ANKS1A: variants seen among roughly 807,000 people sequenced by gnomAD.
ANKS1A encodes ankyrin repeat and sterile alpha motif domain containing 1A, also known as ankyrin repeat and SAM domain-containing protein 1A.
A neutral mutation model predicts 120.3 loss-of-function variants in ANKS1A; 55 were observed. The observed-to-expected ratio is 0.46, with a 90% CI of 0.37 to 0.57. The LOEUF (loss-of-function observed/expected upper bound fraction) is 0.57. Among genes scored for constraint, ANKS1A ranks in the 20% least tolerant of loss-of-function variants. The probability of loss-of-function intolerance (pLI) is 0.00; values close to 1 mark genes in which losing one functional copy is unlikely to be tolerated. For missense variants in ANKS1A, 1,123 were observed against 1,480.3 expected (o/e 0.76, Z 3.96); for synonymous variants, 590 against 604.7 (o/e 0.98, Z 0.36).
At chr6:34,944,123 ACAAAGTTAG>A (rs1769665074) in intron 1 of ANKS1A, among the ~76,000 whole-genome samples, 1 of 152,130 alleles carries the variant, frequency 6.6e-6, no homozygotes, top group African/African-American at 2.4e-5. Flanking sequence ...AAATACAAAA[ACAAAGTTAG>A]CCGGGCATGG....
intron 1 of ANKS1A, among the ~76,000 whole-genome samples, chr6:34,965,327 T>C (rs1380826198): frequency 6.6e-6 from 1 of 152,210 alleles, no homozygotes; most frequent in African/African-American, 2.4e-5. Context: ...ATTTGTCTGT[T>C]GATGCCTATT....
intron 1 of ANKS1A, among the ~76,000 whole-genome samples, chr6:34,950,222 CTTTTTTTTTTTTT>C (rs747865614): frequency 4.1e-5 from 4 of 97,542 alleles, no homozygotes; most frequent in Admixed American, 1.2e-4. Flanking sequence ...TCTTTTCTCT[CTTTTTTTTTTTTT>C]TTTTTTTTTG....
intron 11 of ANKS1A, among the ~76,000 whole-genome samples, chr6:35,040,212 A>G (rs1193604606): frequency 4.6e-5 from 7 of 152,230 alleles, no homozygotes; most frequent in African/African-American, 1.7e-4. Context: ...AGAGGCAACA[A>G]GAAAGGTTTA....
chr6:34,922,898 G>A (rs1351675750), intron 1 of ANKS1A, among the ~76,000 whole-genome samples: 1 of 151,950 alleles, frequency 6.6e-6, no homozygotes, highest in Non-Finnish European at 1.5e-5. Flanking sequence ...TTCACCTGTT[G>A]GCCAGGATGG....
chr6:35,081,191 T>C, intron 17 of ANKS1A, 33 bp downstream of exon 17: 1 of 1,576,752 alleles, frequency 6.3e-7, no homozygotes, highest in Non-Finnish European at 8.6e-7. Context: ...GCAGCCAGGC[T>C]CTACCTCATT....
chr6:34,980,508 C>T (rs933646549), intron 3 of ANKS1A, among the ~76,000 whole-genome samples: 7 of 152,186 alleles, frequency 4.6e-5, no homozygotes, highest in African/African-American at 1.7e-4. Context: ...AATTCCTAAT[C>T]CATTACTTTT....
chr6:34,946,105 T>C lies in ANKS1A; in HGVS notation c.198-21134T>C, dbSNP rs1034040568. Among the ~76,000 whole-genome samples, 5 of 151,570 alleles carry C rather than the reference T, an allele frequency of 3.3e-5. No individual in the cohort carries two copies. The East Asian group carries it at 9.9e-4, about 30-fold the overall frequency. On this transcript the variant is annotated intron_variant, in intron 1 of 23. Coordinates refer to ENST00000360359, the MANE Select transcript of ANKS1A (RefSeq NM_015245.3). ...AAGCAGTTCTCCTGCCTCAGCCTCC[T>C]GAGTAGCTGGGACTACAGGCGTGTG...
intron 11 of ANKS1A, among the ~76,000 whole-genome samples, chr6:35,027,245 C>T (rs1328499124): frequency 6.6e-6 from 1 of 152,204 alleles, no homozygotes; most frequent in Non-Finnish European, 1.5e-5. Flanking sequence ...GCCACCACCA[C>T]TTGGAACACA....
chr6:34,932,883 ACT>A (rs1465444720), intron 1 of ANKS1A, among the ~76,000 whole-genome samples: 1 of 151,948 alleles, frequency 6.6e-6, no homozygotes, highest in Non-Finnish European at 1.5e-5. Context: ...TTATATGTTA[ACT>A]CTGTTTAACT....
downstream of ANKS1A, among the ~76,000 whole-genome samples, chr6:35,095,253 A>G (rs1329572301): frequency 6.6e-6 from 1 of 152,146 alleles, no homozygotes; most frequent in Non-Finnish European, 1.5e-5. Flanking sequence ...CAAACCAGAT[A>G]AACTCTGCGA....
intron 1 of ANKS1A, among the ~76,000 whole-genome samples, chr6:34,929,890 G>C (rs1313696056): frequency 7.4e-6 from 1 of 135,834 alleles, no homozygotes; most frequent in South Asian, 2.4e-4. Flanking sequence ...TGTTTGTTTT[G>C]CTTTGTTGCT....
chr6:35,034,537 G>A (rs1236904827), intron 11 of ANKS1A, among the ~76,000 whole-genome samples: 1 of 152,196 alleles, frequency 6.6e-6, no homozygotes, highest in Non-Finnish European at 1.5e-5. Context: ...CATCTGGGGA[G>A]CACCATGTAC....
rs1482490945 is a variant in ANKS1A at position 34,983,360 on chromosome 6, A to T, written c.947A>T (p.Asp316Val). The change falls in exon 7 of 24, where the codon GAT becomes GTT. Residue 316 changes from aspartate to valine, a missense_variant. This residue lies in a region of ANKS1A where 904 missense variants were observed against 1,130.4 expected (regional missense o/e 0.80). Transcript: ENST00000360359. ...GGAAAAAGAAGTACAAAAGAAGTAG[A>T]TAAAACCCCCCCACCCCAGCCACCT... ...MTGKRSTKEV[D>V]KTPPPQPPLI... 1 of 1,614,076 alleles carries T rather than the reference A, an allele frequency of 6.2e-7. No homozygotes were observed. Among genetic ancestry groups the T allele is most frequent in the South Asian group, 1.1e-5 (1 of 91,076 alleles).
Position 35,049,879 on chromosome 6 carries a change from A to G in ANKS1A, c.2011-4220A>G, listed in dbSNP as rs550680863. ...GCCTCCTGAAAGGGAGCCAAGTTAC[A>G]CCAAAGCTTGAGGTCCGCCTGTGCC... On this transcript the variant is annotated intron_variant, in intron 11 of 23. Coordinates refer to ENST00000360359, the MANE Select transcript of ANKS1A (RefSeq NM_015245.3). Among the ~76,000 whole-genome samples, 6 of 152,330 alleles carry G rather than the reference A, an allele frequency of 3.9e-5. No individual in the cohort carries two copies. In the South Asian group the frequency reaches 1.0e-3, roughly 26 times the overall value.
In ANKS1A at chr6:34,913,931, C is replaced by A. The variant is rs185846226; in HGVS notation, c.197+24332C>A. 4.0e-5 allele frequency among the ~76,000 whole-genome samples: 6 copies of A among 148,734 alleles called. No homozygotes were observed. The East Asian group carries it at 1.2e-3, about 30-fold the overall frequency. ...TGCCCAGCCAATAAAGTAATTTTTT[C>A]TTTTGAGATGGAGTCTCGCTCTGTT... On this transcript the variant is annotated intron_variant, in intron 1 of 23. Transcript: ENST00000360359.
intron 1 of ANKS1A, among the ~76,000 whole-genome samples, chr6:34,960,524 T>G (rs1270513935): frequency 6.6e-6 from 1 of 152,048 alleles, no homozygotes; most frequent in Non-Finnish European, 1.5e-5. Context: ...GAGTGGGCTG[T>G]TTCTATTCAT....
chr6:35,032,208 C>G (rs1426222713), intron 11 of ANKS1A, among the ~76,000 whole-genome samples: 1 of 152,122 alleles, frequency 6.6e-6, no homozygotes, highest in African/African-American at 2.4e-5. Flanking sequence ...AGGTGAGGCC[C>G]CATTAGATGG....
chr6:34,968,591 C>T (rs573329660), intron 2 of ANKS1A, among the ~76,000 whole-genome samples: 74 of 152,196 alleles, frequency 4.9e-4, no homozygotes, highest in African/African-American at 1.8e-3. Context: ...GCGCCCGCCA[C>T]CACACCCAGC....
intron 1 of ANKS1A, among the ~76,000 whole-genome samples, chr6:34,905,600 A>G (rs548717422): frequency 6.6e-6 from 1 of 152,330 alleles, no homozygotes; most frequent in African/African-American, 2.4e-5. Context: ...TTACAGATGA[A>G]GAAGCAAAAG....
Sources: gnomAD v4.1 joint callset for allele counts (sites outside exome capture counted in the v4.1 genomes callset) on GRCh38, gnomAD v4.1.1 for gene constraint, gnomAD v4.1.1 regional missense constraint, MANE v1.5 for transcripts, NCBI Gene and HGNC (gene_info 2026-07-23, HGNC 2026-07-21) for gene names.